The following LARGE1 variants were observed in gnomAD, a reference collection of about 807,000 sequenced individuals.
LARGE1 encodes xylosyl- and glucuronyltransferase LARGE1.
In LARGE1, 43 loss-of-function variants were observed where a neutral mutation model predicts 87.6. That is an observed-to-expected ratio of 0.49 (90% CI 0.38 to 0.63). LARGE1 has a LOEUF of 0.63. LARGE1 is among the 30% of genes least tolerant of loss of function. The probability of loss-of-function intolerance (pLI) is 0.00; values close to 1 mark genes in which losing one functional copy is unlikely to be tolerated. For synonymous variants in LARGE1, 434 were observed against 394.6 expected, an observed-to-expected ratio of 1.10 and a Z score of -1.18; for missense variants, 802 against 1,000.2, an observed-to-expected ratio of 0.80 and a Z score of 2.67.
In LARGE1 at chr22:33,849,693, G is replaced by A. The variant is rs948617953; in HGVS notation, c.-83+70302C>T. Reference sequence around the variant, plus strand: ...GGCTCACTGCAACCTCTACCTCCCAGGTTCAAGCAATTCTCCTGCCTCAGC... The same window carrying A: ...GGCTCACTGCAACCTCTACCTCCCAAGTTCAAGCAATTCTCCTGCCTCAGC... On this transcript the variant is annotated intron_variant, in intron 1 of 14. Coordinates refer to ENST00000397394, the MANE Select transcript of LARGE1 (RefSeq NM_133642.5). Among the ~76,000 whole-genome samples, 4 of 140,982 alleles carry A rather than the reference G, an allele frequency of 2.8e-5. No individual in the cohort carries two copies. In the Admixed American group the frequency reaches 3.0e-4, roughly 11 times the overall value. The allele number at this position is 140,982 out of a possible 152,430, so 92.5% of individuals were successfully genotyped here.
intron 1 of LARGE1, among the ~76,000 whole-genome samples, chr22:33,869,076 G>C (rs991584104): frequency 2.0e-5 from 3 of 152,102 alleles, no homozygotes; most frequent in Non-Finnish European, 4.4e-5. Flanking sequence ...CCTTTCATTT[G>C]AAATCCAACT....
chr22:33,277,674 T>C (rs913507662), intron 13 of LARGE1, among the ~76,000 whole-genome samples: 2 of 152,166 alleles, frequency 1.3e-5, no homozygotes, highest in Non-Finnish European at 2.9e-5. Context: ...GGAAGAAGCA[T>C]GGACCTGCTG....
the LARGE1 span, among the ~76,000 whole-genome samples, chr22:33,118,021 T>G: frequency 1.3e-5 from 2 of 152,214 alleles, no homozygotes; most frequent in Non-Finnish European, 1.5e-5. Flanking sequence ...AGAGCAGTGA[T>G]GGCTCTCTAA....
chr22:33,261,258 C>CT (rs1927610258), intron 11 of LARGE1, among the ~76,000 whole-genome samples: 1 of 152,216 alleles, frequency 6.6e-6, no homozygotes, highest in African/African-American at 2.4e-5. Context: ...CCACACAGTG[C>CT]TGTAGCTGAC....
intron 1 of LARGE1, among the ~76,000 whole-genome samples, chr22:33,878,137 T>C (rs920831664): frequency 2.1e-5 from 2 of 96,156 alleles, no homozygotes; most frequent in African/African-American, 1.1e-4. Context: ...TTCTTTTTTT[T>C]TTTTTTTTTT....
chr22:33,136,538 A>C, the LARGE1 span, among the ~76,000 whole-genome samples: 1 of 152,170 alleles, frequency 6.6e-6, no homozygotes, highest in African/African-American at 2.4e-5. Context: ...CCACAGCCAA[A>C]CCATATCACC....
chr22:33,653,141 ACCTCTGG>A (rs2080868773), intron 2 of LARGE1, among the ~76,000 whole-genome samples: 2 of 152,248 alleles, frequency 1.3e-5, no homozygotes, highest in South Asian at 4.2e-4. Context: ...GTAAAGATGA[ACCTCTGG>A]CTTCCTCGGG....
chr22:33,835,514 T>C (rs901530762), intron 1 of LARGE1, among the ~76,000 whole-genome samples: 2 of 152,210 alleles, frequency 1.3e-5, no homozygotes, highest in African/African-American at 4.8e-5. Flanking sequence ...TTCCCCAGGC[T>C]GGTGGATCTG....
chr22:33,404,202 A>G (rs1384283993), intron 7 of LARGE1, among the ~76,000 whole-genome samples: 11 of 152,176 alleles, frequency 7.2e-5, no homozygotes, highest in Admixed American at 5.9e-4. Context: ...CAAGAAGATG[A>G]TATTTAAGAC....
At chr22:33,418,191 C>G (rs934971868) in intron 7 of LARGE1, among the ~76,000 whole-genome samples, 3 of 152,196 alleles carry the variant, frequency 2.0e-5, no homozygotes, top group Admixed American at 6.5e-5. Context: ...TTGTGATCCA[C>G]CCGCCTCGGC....
At chr22:33,850,147 G>A (rs776704989) in intron 1 of LARGE1, among the ~76,000 whole-genome samples, 9 of 152,124 alleles carry the variant, frequency 5.9e-5, no homozygotes, top group Non-Finnish European at 1.2e-4. Flanking sequence ...AACCCATCAG[G>A]AGAAAAGTCC....
rs898652871 is a variant in LARGE1, at chr22:33,273,984, C to T, written c.*443G>A. 1.8e-5 allele frequency: 6 copies of T among 338,638 alleles called. No homozygotes were observed. The highest frequency in any genetic ancestry group is 3.2e-5 in the Non-Finnish European group (6 of 187,254). 21.0% of individuals were successfully genotyped at this position (338,638 alleles called of 1,614,324 possible). Reference sequence around the variant, plus strand: ...ATTGCAGGGCAAAGGGGAAAGTTTTCACTTAATAAAGACAATTTCACTTCT... The same window carrying T: ...ATTGCAGGGCAAAGGGGAAAGTTTTTACTTAATAAAGACAATTTCACTTCT... On this transcript the variant is annotated 3_prime_UTR_variant, in exon 15 of 15. Transcript: ENST00000397394.
intron 12 of LARGE1, among the ~76,000 whole-genome samples, chr22:33,296,661 G>A (rs988239151): frequency 4.0e-5 from 6 of 149,088 alleles, no homozygotes; most frequent in Admixed American, 2.0e-4. Context: ...GTCTGCCTCC[G>A]AGGTTCAAGC....
intron 2 of LARGE1, among the ~76,000 whole-genome samples, chr22:33,653,155 C>T (rs1307687845): frequency 1.3e-5 from 2 of 152,142 alleles, no homozygotes; most frequent in Non-Finnish European, 2.9e-5. Flanking sequence ...CTGGCTTCCT[C>T]GGGAGTTACA....
chr22:33,919,219 TG>T (rs1362085829), intron 1 of LARGE1, among the ~76,000 whole-genome samples: 1 of 152,108 alleles, frequency 6.6e-6, no homozygotes, highest in African/African-American at 2.4e-5. Context: ...CAGATTGTTC[TG>T]GGGGAAGCTC....
intron 2 of LARGE1, among the ~76,000 whole-genome samples, chr22:33,720,403 T>G (rs894507091): frequency 2.0e-5 from 3 of 152,182 alleles, no homozygotes; most frequent in Non-Finnish European, 4.4e-5. Context: ...CCTCCTGCTG[T>G]GTGGCCATGT....
At chr22:33,067,560 G>A in the LARGE1 span, among the ~76,000 whole-genome samples, 1 of 152,166 alleles carries the variant, frequency 6.6e-6, no homozygotes, top group Non-Finnish European at 1.5e-5. Flanking sequence ...TTTAAAGATA[G>A]AGATGTATGG....
intron 9 of LARGE1, among the ~76,000 whole-genome samples, chr22:33,366,308 C>A (rs923568265): frequency 6.6e-6 from 1 of 152,220 alleles, no homozygotes; most frequent in Non-Finnish European, 1.5e-5. Context: ...CTCTTTCCAA[C>A]TAATTGCACG....
chr22:33,432,228 G>A lies in LARGE1; in HGVS notation c.825C>T (p.Asp275=), dbSNP rs1601816532. ...TTTTCCACAGGTTTCCAAGGTACCA[G>A]TCACTCTGGTTCTCCACCAAGCCCA... The part of the protein sequence containing the change: ...QVLGLVENQS[D]WYLGNLWKNH... The change falls in exon 7 of 15, where the codon GAC becomes GAT. Residue 275 remains aspartate (D), a synonymous_variant. Transcript: ENST00000397394. 9 of 1,614,152 alleles carry A rather than the reference G, an allele frequency of 5.6e-6. No individual in the cohort carries two copies. In the East Asian group the frequency reaches 1.6e-4, roughly 28 times the overall value.
Sources: gnomAD v4.1 joint callset for allele counts (sites outside exome capture counted in the v4.1 genomes callset) on GRCh38, gnomAD v4.1.1 for gene constraint, MANE v1.5 for transcripts, NCBI Gene and HGNC (gene_info 2026-07-23, HGNC 2026-07-21) for gene names.